Variants in UBE4B observed in about 807,000 individuals in gnomAD.
The protein encoded by UBE4B is ubiquitination factor E4B.
UBE4B carries 27 observed loss-of-function variants against 148.1 expected under a neutral mutation model. That is an observed-to-expected ratio of 0.18 (90% CI 0.13 to 0.25). The LOEUF (loss-of-function observed/expected upper bound fraction) is 0.25. Among genes scored for constraint, UBE4B ranks in the 10% least tolerant of loss-of-function variants. UBE4B has a pLI of 1.00. For synonymous variants in UBE4B, 596 were observed against 619.3 expected (o/e 0.96, Z 0.56); for missense variants, 1,170 against 1,662.4 (o/e 0.70, Z 5.15).
intron 15 of UBE4B, among the ~76,000 whole-genome samples, chr1:10,133,328 C>G (rs1645627038): frequency 6.6e-6 from 1 of 152,206 alleles, no homozygotes; most frequent in African/African-American, 2.4e-5. Context: ...GGACCTTAGA[C>G]AGTGACTCCT....
chr1:10,141,859 C>T (rs1247982841), intron 17 of UBE4B, among the ~76,000 whole-genome samples: 1 of 152,112 alleles, frequency 6.6e-6, no homozygotes, highest in African/African-American at 2.4e-5. Flanking sequence ...CAAACTCCTC[C>T]ATTTGAACTC....
intron 1 of UBE4B, among the ~76,000 whole-genome samples, chr1:10,068,285 C>A (rs1426773417): frequency 6.6e-6 from 1 of 152,070 alleles, no homozygotes; most frequent in Non-Finnish European, 1.5e-5. Context: ...CTACCTTGGC[C>A]TCCCAAAATG....
chr1:10,175,050 C>T (rs990654623), intron 25 of UBE4B, among the ~76,000 whole-genome samples: 1 of 152,184 alleles, frequency 6.6e-6, no homozygotes, highest in African/African-American at 2.4e-5. Flanking sequence ...AGGCTTCTCT[C>T]CCTCTATACC....
intron 1 of UBE4B, 124 bp downstream of exon 1, chr1:10,033,818 C>T (rs1643397154): frequency 9.4e-7 from 1 of 1,065,958 alleles, no homozygotes; most frequent in African/African-American, 1.6e-5. Flanking sequence ...ATGATATTTT[C>T]CAAGAATAAC....
At chr1:10,054,780 CT>C (rs1644129026) in intron 1 of UBE4B, 1 of 152,618 alleles carries the variant, frequency 6.6e-6, no homozygotes, top group Non-Finnish European at 1.3e-5. Context: ...TATTATCTTT[CT>C]CCTTTTTTTT....
chr1:10,168,004 CAT>C lies in UBE4B; in HGVS notation c.3199-131_3199-130del. 1 of 1,095,190 alleles carries C rather than the reference CAT, an allele frequency of 9.1e-7. No homozygotes were observed. Among genetic ancestry groups the C allele is most frequent in the South Asian group, 2.1e-5 (1 of 48,780 alleles). The allele number at this position is 1,095,190 out of a possible 1,614,324, so 67.8% of individuals were successfully genotyped here. ...AGGATGAAACTTCAGTTATCTGGGA[CAT>C]GTGGCAGGCGGTTCTGTCATTCCCT... On this transcript the variant is annotated intron_variant, in intron 23 of 27. Coordinates refer to ENST00000343090, the MANE Select transcript of UBE4B (RefSeq NM_001105562.3). This position sits in a 1 kb window ranked among gnomAD's most constrained non-coding sequence, Gnocchi z 4.9.
Position 10,161,999 on chromosome 1 carries a change from C to CTTTTTTTTTTTTTTTTTTTTTTTTTTT in UBE4B, c.3198+729_3198+730insTTTTTTTTTTTTTTTTTTTTTTTTTTT, listed in dbSNP as rs764089127. ...GGGGACTGCTTTTTCTTCACTTTTT[C>CTTTTTTTTTTTTTTTTTTTTTTTTTTT]TTTTTTTTTTTTTTTTGAGACGGAG... On this transcript the variant is annotated intron_variant, in intron 23 of 27. Transcript: ENST00000343090. This position sits in a 1 kb window ranked among gnomAD's most constrained non-coding sequence, Gnocchi z 4.1. Among the ~76,000 whole-genome samples the CTTTTTTTTTTTTTTTTTTTTTTTTTTT allele has an allele frequency of 1.4e-4, 19 of 137,262 alleles. No individual in the cohort carries two copies. Among genetic ancestry groups the CTTTTTTTTTTTTTTTTTTTTTTTTTTT allele is most frequent in the African/African-American group, 4.3e-4 (16 of 37,436 alleles). 90.0% of individuals were successfully genotyped at this position (137,262 alleles called of 152,430 possible).
chr1:10,174,702 CAAAAAAAAAA>C (rs1024868484), intron 25 of UBE4B, among the ~76,000 whole-genome samples: 1 of 80,174 alleles, frequency 1.2e-5, no homozygotes, highest in Non-Finnish European at 2.9e-5. Context: ...AACTCCGTCT[CAAAAAAAAAA>C]AAAAAAAAAA....
At chr1:10,055,510 G>C (rs796999757) in intron 1 of UBE4B, among the ~76,000 whole-genome samples, 7 of 152,148 alleles carry the variant, frequency 4.6e-5, no homozygotes, top group African/African-American at 1.7e-4. Context: ...TAGCGATGGG[G>C]TCTCGTTATG....
intron 18 of UBE4B, among the ~76,000 whole-genome samples, chr1:10,146,598 C>T (rs1036596843): frequency 3.3e-5 from 5 of 152,140 alleles, no homozygotes; most frequent in Non-Finnish European, 5.9e-5. Flanking sequence ...TCGTAAGAGG[C>T]GACACTGGAA....
At chr1:10,178,870 C>A (rs1232829389) in intron 26 of UBE4B, 52 bp downstream of exon 26, 1 of 1,537,708 alleles carries the variant, frequency 6.5e-7, no homozygotes, top group Non-Finnish European at 8.7e-7. Flanking sequence ...AACTGGAAAT[C>A]GATAACATTA....
intron 1 of UBE4B, among the ~76,000 whole-genome samples, chr1:10,039,581 C>T (rs1643678187): frequency 6.6e-6 from 1 of 151,442 alleles, no homozygotes; most frequent in African/African-American, 2.4e-5. Flanking sequence ...AGGTGCATGC[C>T]ACCATGCCCT....
At chr1:10,158,974 C>A (rs928899301) in intron 22 of UBE4B, among the ~76,000 whole-genome samples, 2 of 149,552 alleles carry the variant, frequency 1.3e-5, no homozygotes, top group South Asian at 4.2e-4. Flanking sequence ...TGTGCCAGTG[C>A]TCTCCAGCCT....
intron 3 of UBE4B, among the ~76,000 whole-genome samples, chr1:10,100,121 C>T (rs1323836373): frequency 1.3e-5 from 2 of 152,048 alleles, no homozygotes; most frequent in African/African-American, 2.4e-5. Flanking sequence ...TCCTGAGTAG[C>T]TGGGCCTACA....
intron 1 of UBE4B, chr1:10,058,810 C>A (rs1644227422): frequency 6.6e-6 from 1 of 152,338 alleles, no homozygotes; most frequent in Non-Finnish European, 1.5e-5. Context: ...GCAATGCCGA[C>A]CCCCTGGACA....
intron 1 of UBE4B, among the ~76,000 whole-genome samples, chr1:10,049,112 TA>T (rs903632825): frequency 2.6e-5 from 4 of 152,140 alleles, no homozygotes; most frequent in African/African-American, 9.7e-5. Context: ...TTTTAGAGCT[TA>T]AAAAAATAGT....
At chr1:10,038,786 G>A (rs998535594) in intron 1 of UBE4B, among the ~76,000 whole-genome samples, 2 of 151,964 alleles carry the variant, frequency 1.3e-5, no homozygotes, top group Admixed American at 1.3e-4. Flanking sequence ...TTTTTTAAAT[G>A]CCTGTCGCGT....
chr1:10,125,083 GCCA>G (rs1645471377), intron 10 of UBE4B, among the ~76,000 whole-genome samples: 25 of 152,140 alleles, frequency 1.6e-4, no homozygotes, highest in Admixed American at 1.4e-3. Flanking sequence ...CTGAGATCGC[GCCA>G]CTGCACTCCA....
chr1:10,165,901 A>C (rs1364646193), intron 23 of UBE4B, among the ~76,000 whole-genome samples: 2 of 152,178 alleles, frequency 1.3e-5, no homozygotes, highest in Non-Finnish European at 2.9e-5. Flanking sequence ...TCTAAGCTGC[A>C]TGAGAGCTGG....
Sources: gnomAD v4.1 joint callset for allele counts (sites outside exome capture counted in the v4.1 genomes callset) on GRCh38, gnomAD v4.1.1 for gene constraint, Gnocchi (gnomAD v3.1) non-coding constraint, MANE v1.5 for transcripts, NCBI Gene and HGNC (gene_info 2026-07-23, HGNC 2026-07-21) for gene names.